ASCC3: variants seen among roughly 807,000 people sequenced by gnomAD.
The protein encoded by ASCC3 is activating signal cointegrator 1 complex subunit 3.
In ASCC3, 158 loss-of-function variants were observed where a neutral mutation model predicts 256.3. That is an observed-to-expected ratio of 0.62 (90% CI 0.54 to 0.70). ASCC3 has a LOEUF of 0.70. ASCC3 is among the 30% of genes least tolerant of loss of function. The pLI is 0.00. For synonymous variants in ASCC3, 948 were observed against 883.4 expected (o/e 1.07, Z -1.30); for missense variants, 2,259 against 2,626.0 (o/e 0.86, Z 3.05).
intron 36 of ASCC3, among the ~76,000 whole-genome samples, chr6:100,557,570 C>T (rs752275248): frequency 1.8e-4 from 27 of 151,958 alleles, no homozygotes; most frequent in Admixed American, 6.6e-5. Flanking sequence ...CACTGACTGA[C>T]ATTAGTATGG....
intron 10 of ASCC3, among the ~76,000 whole-genome samples, chr6:100,737,336 C>T (rs969958725): frequency 6.6e-6 from 1 of 151,864 alleles, no homozygotes; most frequent in Non-Finnish European, 1.5e-5. Flanking sequence ...CATCACCTTA[C>T]ATATTAAGCC....
intron 13 of ASCC3, 151 bp from the exon 14 acceptor site, chr6:100,679,903 C>T: frequency 1.1e-6 from 1 of 872,510 alleles, no homozygotes; most frequent in African/African-American, 1.7e-5. Context: ...TATTTTAGAA[C>T]AAAGTATATA....
chr6:100,636,392 G>A (rs1034030073), intron 25 of ASCC3, among the ~76,000 whole-genome samples: 3 of 152,090 alleles, frequency 2.0e-5, no homozygotes, highest in East Asian at 1.9e-4. Context: ...ATTGATAATT[G>A]TGTGTGTTCT....
intron 36 of ASCC3, among the ~76,000 whole-genome samples, chr6:100,550,889 A>C (rs983195052): frequency 2.0e-5 from 3 of 151,944 alleles, no homozygotes; most frequent in African/African-American, 7.2e-5. Flanking sequence ...TTGGGTTGGA[A>C]AGAATGCTCT....
At chr6:100,614,706 T>C (rs1441869315) in intron 30 of ASCC3, among the ~76,000 whole-genome samples, 1 of 152,184 alleles carries the variant, frequency 6.6e-6, no homozygotes. Context: ...AATAATATTA[T>C]TAATCAGGCT....
chr6:100,701,534 C>T (rs1582722323), intron 13 of ASCC3, among the ~76,000 whole-genome samples: 3 of 152,288 alleles, frequency 2.0e-5, no homozygotes, highest in African/African-American at 4.8e-5. Context: ...TGGACTAATA[C>T]AGTGCCTAAC....
intron 39 of ASCC3, 26 bp from the exon 40 acceptor site, chr6:100,512,944 TA>T (rs779492097): frequency 5.6e-6 from 9 of 1,593,222 alleles, no homozygotes; most frequent in Non-Finnish European, 7.7e-6. Context: ...AAAGAAACAA[TA>T]AAGGAGGAGT....
intron 3 of ASCC3, among the ~76,000 whole-genome samples, chr6:100,859,678 T>G (rs1773129735): frequency 6.6e-6 from 1 of 152,056 alleles, no homozygotes; most frequent in Admixed American, 6.6e-5. Flanking sequence ...TAAACCATAC[T>G]TTGTAAGCCA....
chr6:100,727,101 G>C (rs766537939), intron 10 of ASCC3, among the ~76,000 whole-genome samples: 2 of 152,014 alleles, frequency 1.3e-5, no homozygotes, highest in Non-Finnish European at 2.9e-5. Context: ...GCTGTATATA[G>C]TAAAATTACA....
intron 36 of ASCC3, among the ~76,000 whole-genome samples, chr6:100,585,284 T>C (rs1408003225): frequency 6.6e-6 from 1 of 152,194 alleles, no homozygotes; most frequent in Non-Finnish European, 1.5e-5. Context: ...CGTTTCTTTT[T>C]ATTCTTTTTT....
chr6:100,684,074 A>G (rs1398672799), intron 13 of ASCC3, among the ~76,000 whole-genome samples: 1 of 152,182 alleles, frequency 6.6e-6, no homozygotes, highest in East Asian at 1.9e-4. Flanking sequence ...CTCAGAAAAT[A>G]ATGATTCAGA....
intron 30 of ASCC3, among the ~76,000 whole-genome samples, chr6:100,608,750 TA>T (rs1773221939): frequency 2.3e-5 from 1 of 43,160 alleles, no homozygotes; most frequent in Non-Finnish European, 4.2e-5. Context: ...TATATATATA[TA>T]TATATATATA....
chr6:100,595,075 G>T (rs769243639), intron 34 of ASCC3, among the ~76,000 whole-genome samples: 16 of 152,156 alleles, frequency 1.1e-4, no homozygotes, highest in East Asian at 1.9e-4. Context: ...AGCAAAGGGG[G>T]AATTGGTCAA....
intron 37 of ASCC3, among the ~76,000 whole-genome samples, chr6:100,533,751 A>G (rs1022644925): frequency 5.9e-5 from 9 of 152,242 alleles, no homozygotes; most frequent in African/African-American, 1.7e-4. Context: ...TGACCAAGAT[A>G]TAAACACATA....
intron 10 of ASCC3, among the ~76,000 whole-genome samples, chr6:100,728,415 C>T (rs1344842977): frequency 2.0e-5 from 3 of 151,918 alleles, no homozygotes; most frequent in Non-Finnish European, 4.4e-5. Flanking sequence ...TATACAATCA[C>T]TTTGAAAAAC....
chr6:100,678,978 T>C (rs1454985109), intron 14 of ASCC3, among the ~76,000 whole-genome samples: 1 of 152,212 alleles, frequency 6.6e-6, no homozygotes, highest in East Asian at 1.9e-4. Context: ...CTTAAAATAC[T>C]ACCAATACTC....
intron 25 of ASCC3, among the ~76,000 whole-genome samples, chr6:100,635,510 T>TA (rs772489210): frequency 6.6e-6 from 1 of 152,124 alleles, no homozygotes; most frequent in Non-Finnish European, 1.5e-5. Context: ...ACTAGACACC[T>TA]AATATACAGC....
intron 10 of ASCC3, among the ~76,000 whole-genome samples, chr6:100,760,789 A>C (rs957223997): frequency 2.6e-5 from 4 of 152,342 alleles, no homozygotes; most frequent in African/African-American, 9.6e-5. Flanking sequence ...AGAACAGCAG[A>C]GCGAGAACAG....
chr6:100,651,531 C>A, intron 19 of ASCC3, 29 bp downstream of exon 19: 1 of 1,366,388 alleles, frequency 7.3e-7, no homozygotes, highest in Admixed American at 1.8e-5. Context: ...ATGTTGTATG[C>A]ATTTGATTCA....
Sources: allele counts gnomAD v4.1 joint callset (sites outside exome capture counted in the v4.1 genomes callset), GRCh38; gene constraint gnomAD v4.1.1; transcripts MANE v1.5; gene names NCBI Gene and HGNC (gene_info 2026-07-23, HGNC 2026-07-21).